The following PTPRD variants were observed in gnomAD, a reference collection of about 807,000 sequenced individuals.
PTPRD encodes the protein receptor-type tyrosine-protein phosphatase delta.
In PTPRD, 34 loss-of-function variants were observed where a neutral mutation model predicts 214.5. The observed-to-expected ratio is 0.16, with a 90% CI of 0.12 to 0.21. The LOEUF is 0.21. Ranked by LOEUF, PTPRD falls within the 10% of genes least tolerant of loss-of-function variation. PTPRD has a pLI of 1.00. For missense variants in PTPRD, 2,545 were observed against 2,398.7 expected (o/e 1.06, Z -1.27); for synonymous variants, 1,128 against 845.7 (o/e 1.33, Z -5.79).
At chr9:9,907,831 T>C (rs2078034982) in intron 5 of PTPRD, among the ~76,000 whole-genome samples, 1 of 152,042 alleles carries the variant, frequency 6.6e-6, no homozygotes, top group South Asian at 2.1e-4. Context: ...AAATAGTGAA[T>C]CACTTAACAG....
intron 10 of PTPRD, among the ~76,000 whole-genome samples, chr9:9,131,603 C>G (rs113049325): frequency 1.3e-5 from 2 of 152,126 alleles, no homozygotes; most frequent in African/African-American, 4.8e-5. Context: ...GAGAAGTACA[C>G]ATAGTAATAG....
At chr9:9,007,687 C>G (rs1482833749) in intron 11 of PTPRD, among the ~76,000 whole-genome samples, 1 of 148,494 alleles carries the variant, frequency 6.7e-6, no homozygotes, top group Non-Finnish European at 1.5e-5. Flanking sequence ...TCTGGGAATT[C>G]CATTTACCCT....
intron 11 of PTPRD, among the ~76,000 whole-genome samples, chr9:8,779,095 G>C (rs906732187): frequency 3.3e-5 from 5 of 152,004 alleles, no homozygotes; most frequent in African/African-American, 1.2e-4. Flanking sequence ...GCTAAAGACA[G>C]GAGATGAGAG....
At chr9:10,060,481 TAC>T (rs1701574653) in intron 3 of PTPRD, among the ~76,000 whole-genome samples, 1 of 152,050 alleles carries the variant, frequency 6.6e-6, no homozygotes, top group Admixed American at 6.6e-5. Context: ...ACGAAAACCC[TAC>T]AAATATATGA....
chr9:10,166,978 G>C (rs1433565659), intron 3 of PTPRD, among the ~76,000 whole-genome samples: 2 of 151,952 alleles, frequency 1.3e-5, no homozygotes, highest in Admixed American at 6.6e-5. Context: ...TAAAACATTT[G>C]AACTATTTAT....
intron 3 of PTPRD, among the ~76,000 whole-genome samples, chr9:10,322,405 C>G (rs1228775963): frequency 6.6e-6 from 1 of 152,124 alleles, no homozygotes; most frequent in Non-Finnish European, 1.5e-5. Flanking sequence ...AGCCCCAAAT[C>G]TGACTATTTC....
chr9:10,229,833 C>A (rs1035671592), intron 3 of PTPRD, among the ~76,000 whole-genome samples: 2 of 151,374 alleles, frequency 1.3e-5, no homozygotes, highest in African/African-American at 4.9e-5. Flanking sequence ...GCACATGTAC[C>A]CTAAAACTTA....
chr9:8,721,192 G>A (rs750777469), intron 12 of PTPRD, among the ~76,000 whole-genome samples: 6 of 152,038 alleles, frequency 3.9e-5, no homozygotes, highest in Non-Finnish European at 7.4e-5. Context: ...ACTTTGGGAA[G>A]CCGAGGCAGG....
intron 10 of PTPRD, among the ~76,000 whole-genome samples, chr9:9,039,403 T>A (rs1001247774): frequency 2.6e-5 from 4 of 152,156 alleles, no homozygotes; most frequent in African/African-American, 9.7e-5. Flanking sequence ...GCAGTGAAGG[T>A]AGGTGTACTC....
intron 2 of PTPRD, among the ~76,000 whole-genome samples, chr9:10,435,377 T>G (rs955123788): frequency 1.3e-5 from 2 of 151,896 alleles, no homozygotes; most frequent in African/African-American, 4.8e-5. Context: ...AGCCCTCGTT[T>G]TCACAATTAT....
At chr9:9,480,015 A>G (rs766816496) in intron 8 of PTPRD, among the ~76,000 whole-genome samples, 9 of 152,192 alleles carry the variant, frequency 5.9e-5, no homozygotes, top group Non-Finnish European at 1.3e-4. Flanking sequence ...GAGCAAGAAT[A>G]ATGGTAAAGT....
chr9:9,439,770 A>G (rs2086790012), intron 8 of PTPRD, among the ~76,000 whole-genome samples: 1 of 152,214 alleles, frequency 6.6e-6, no homozygotes, highest in Non-Finnish European at 1.5e-5. Flanking sequence ...GTAATCATAG[A>G]TACTGACACT....
At chr9:8,944,123 A>T (rs971897521) in intron 11 of PTPRD, among the ~76,000 whole-genome samples, 4 of 152,104 alleles carry the variant, frequency 2.6e-5, no homozygotes, top group African/African-American at 9.7e-5. Context: ...AAAAAAAGAC[A>T]CAAATGGCAA....
chr9:10,333,372 T>C (rs1157744526), intron 3 of PTPRD, among the ~76,000 whole-genome samples: 1 of 151,758 alleles, frequency 6.6e-6, no homozygotes, highest in Admixed American at 6.6e-5. Flanking sequence ...GACATCAAAG[T>C]AGCTGTACCG....
intron 9 of PTPRD, among the ~76,000 whole-genome samples, chr9:9,257,350 A>T (rs1038143309): frequency 6.6e-6 from 1 of 151,978 alleles, no homozygotes; most frequent in South Asian, 2.1e-4. Context: ...GTAGTTTCAT[A>T]AACTATATGA....
At chr9:8,620,220 A>T (rs2095772432) in intron 14 of PTPRD, among the ~76,000 whole-genome samples, 1 of 152,060 alleles carries the variant, frequency 6.6e-6, no homozygotes, top group South Asian at 2.1e-4. Context: ...CTGAGCAAGC[A>T]AATAGAGGTT....
intron 3 of PTPRD, among the ~76,000 whole-genome samples, chr9:10,331,304 G>A (rs760286503): frequency 1.8e-4 from 28 of 151,774 alleles, no homozygotes; most frequent in African/African-American, 6.3e-4. Flanking sequence ...CCTGCAGTAC[G>A]AGGAAGCTAA....
intron 35 of PTPRD, among the ~76,000 whole-genome samples, chr9:8,423,808 A>T (rs1380320863): frequency 6.6e-6 from 1 of 152,112 alleles, no homozygotes; most frequent in African/African-American, 2.4e-5. Context: ...TTTAAATCCC[A>T]TCAACCATCT....
At chr9:8,660,385 G>A (rs980611651) in intron 12 of PTPRD, among the ~76,000 whole-genome samples, 2 of 152,106 alleles carry the variant, frequency 1.3e-5, no homozygotes, top group Admixed American at 1.3e-4. Context: ...ACAGTGCTTT[G>A]AGGGTTAAGC....
Sources: allele counts gnomAD v4.1 joint callset (sites outside exome capture counted in the v4.1 genomes callset), GRCh38; gene constraint gnomAD v4.1.1; transcripts MANE v1.5; gene names NCBI Gene and HGNC (gene_info 2026-07-23, HGNC 2026-07-21).